Variants in ADAMTSL1 observed in about 807,000 individuals in gnomAD.
ADAMTSL1 encodes ADAMTS like 1.
A neutral mutation model predicts 201.8 loss-of-function variants in ADAMTSL1; 126 were observed. The ratio of observed to expected loss-of-function variants is 0.62; its 90% confidence interval spans 0.54 to 0.72. ADAMTSL1 has a LOEUF of 0.72. Among genes scored for constraint, ADAMTSL1 ranks in the 30% least tolerant of loss-of-function variants. The pLI is 0.00. For missense variants in ADAMTSL1, 2,679 were observed against 2,277.8 expected, an observed-to-expected ratio of 1.18 and a Z score of -3.59; for synonymous variants, 1,121 against 903.4, an observed-to-expected ratio of 1.24 and a Z score of -4.32.
chr9:18,439,291 C>A (rs1344999061), intron 2 of ADAMTSL1, among the ~76,000 whole-genome samples: 1 of 152,206 alleles, frequency 6.6e-6, no homozygotes, highest in Non-Finnish European at 1.5e-5. Context: ...TGAATTTGCT[C>A]ATTGTTATTC....
intron 2 of ADAMTSL1, among the ~76,000 whole-genome samples, chr9:18,426,220 C>G (rs75182607): frequency 0.019 from 2,943 of 152,096 alleles, 38 homozygotes; most frequent in Non-Finnish European, 0.031. Context: ...TGCCTAGGGC[C>G]CAGTCCACCG....
At chr9:18,343,776 G>T (rs1315603601) in intron 2 of ADAMTSL1, among the ~76,000 whole-genome samples, 2 of 152,092 alleles carry the variant, frequency 1.3e-5, no homozygotes, top group Admixed American at 6.6e-5. Flanking sequence ...GCATTGATCT[G>T]GCTTAGGGTC....
intron 1 of ADAMTSL1, among the ~76,000 whole-genome samples, chr9:18,140,788 G>A (rs917988583): frequency 1.3e-5 from 2 of 152,164 alleles, no homozygotes; most frequent in African/African-American, 4.8e-5. Flanking sequence ...GGCCTGGTAT[G>A]TTAACTGTTT....
intron 1 of ADAMTSL1, among the ~76,000 whole-genome samples, chr9:17,935,822 C>T (rs1331188116): frequency 6.6e-6 from 1 of 152,170 alleles, no homozygotes; most frequent in Non-Finnish European, 1.5e-5. Flanking sequence ...CTTTTATCTA[C>T]CTTCAGTCTC....
At chr9:18,148,119 G>T (rs1165929657) in intron 1 of ADAMTSL1, among the ~76,000 whole-genome samples, 1 of 151,904 alleles carries the variant, frequency 6.6e-6, no homozygotes, top group African/African-American at 2.4e-5. Context: ...TAAAACCCTA[G>T]AAACATAGTA....
intron 3 of ADAMTSL1, among the ~76,000 whole-genome samples, chr9:18,559,085 G>C (rs894723766): frequency 3.3e-5 from 5 of 152,098 alleles, no homozygotes; most frequent in Non-Finnish European, 5.9e-5. Flanking sequence ...CTTTGCCCAT[G>C]TTTATGTCCT....
chr9:18,740,195 C>G (rs1477866019), intron 15 of ADAMTSL1, among the ~76,000 whole-genome samples: 1 of 152,092 alleles, frequency 6.6e-6, no homozygotes, highest in African/African-American at 2.4e-5. Context: ...AATCTCGGGA[C>G]AGACAGGAAA....
chr9:18,282,453 T>A (rs138720722), intron 2 of ADAMTSL1, among the ~76,000 whole-genome samples: 3 of 152,352 alleles, frequency 2.0e-5, no homozygotes, highest in African/African-American at 7.2e-5. Context: ...TGTAACAATA[T>A]GTGGGAATTT....
Position 17,932,524 on chromosome 9 carries a change from C to T in ADAMTSL1, c.87+25602C>T, listed in dbSNP as rs138853354. On this transcript the variant is annotated intron_variant, in intron 1 of 29. Coordinates refer to the ADAMTSL1 transcript ENST00000680146. Reference sequence around the variant, plus strand: ...TGGTAAACTCATTTTTCGTTGAAGGCGCAGTAGAGCTATCTCTCTGAATTT... The same window carrying T: ...TGGTAAACTCATTTTTCGTTGAAGGTGCAGTAGAGCTATCTCTCTGAATTT... 8.3e-3 allele frequency among the ~76,000 whole-genome samples: 1,256 copies of T among 152,122 alleles called. 14 individuals carry two copies. The highest frequency in any genetic ancestry group is 0.013 in the Non-Finnish European group (875 of 67,986).
intron 17 of ADAMTSL1, among the ~76,000 whole-genome samples, chr9:18,771,881 C>A (rs1053776464): frequency 6.6e-6 from 1 of 152,108 alleles, no homozygotes; most frequent in Admixed American, 6.5e-5. Context: ...ATCTTATCAA[C>A]CCACATAGAA....
chr9:17,934,966 T>C (rs1347775688), intron 1 of ADAMTSL1, among the ~76,000 whole-genome samples: 1 of 151,984 alleles, frequency 6.6e-6, no homozygotes, highest in Non-Finnish European at 1.5e-5. Flanking sequence ...TTATTCCATC[T>C]TAAAAGCCTT....
At chr9:18,723,436 C>A (rs1817669629) in intron 15 of ADAMTSL1, 1 of 299,214 alleles carries the variant, frequency 3.3e-6, no homozygotes, top group Non-Finnish European at 6.4e-6. Flanking sequence ...GGTCCCTAAA[C>A]CCTTCTTTGA....
intron 4 of ADAMTSL1, among the ~76,000 whole-genome samples, chr9:18,613,007 C>G (rs368610914): frequency 5.1e-4 from 77 of 151,896 alleles, no homozygotes; most frequent in Middle Eastern, 3.4e-3. Flanking sequence ...AGAAATTAAA[C>G]AAATTTATAA....
chr9:18,748,285 A>G (rs747064646), intron 15 of ADAMTSL1, among the ~76,000 whole-genome samples: 3 of 152,242 alleles, frequency 2.0e-5, no homozygotes, highest in Non-Finnish European at 2.9e-5. Flanking sequence ...AGTCATGTTT[A>G]CCACCCTCCT....
Position 18,344,656 on chromosome 9 carries a change from C to A in ADAMTSL1, c.208-160173C>A, listed in dbSNP as rs572816524. Reference sequence around the variant, plus strand: ...ACAATGAATTGGCGGTTGTTGAATCCTAGTGTTCCCTTTGGCCATTAACAT... The same window carrying A: ...ACAATGAATTGGCGGTTGTTGAATCATAGTGTTCCCTTTGGCCATTAACAT... On this transcript the variant is annotated intron_variant, in intron 2 of 29. Coordinates refer to the ADAMTSL1 transcript ENST00000680146. 7.9e-5 allele frequency among the ~76,000 whole-genome samples: 12 copies of A among 152,188 alleles called. No individual in the cohort carries two copies. The East Asian group carries it at 2.1e-3, about 27-fold the overall frequency.
chr9:18,202,624 C>T (rs761087373), intron 2 of ADAMTSL1, among the ~76,000 whole-genome samples: 35 of 152,316 alleles, frequency 2.3e-4, no homozygotes, highest in Non-Finnish European at 4.7e-4. Flanking sequence ...TCTCTGACTT[C>T]CGGCAAAATG....
intron 1 of ADAMTSL1, among the ~76,000 whole-genome samples, chr9:17,976,067 T>C (rs1203200072): frequency 6.6e-6 from 1 of 152,108 alleles, no homozygotes; most frequent in Non-Finnish European, 1.5e-5. Flanking sequence ...CTGTCCATTC[T>C]GATCCTTTGG....
At position 18,043,360 on chromosome 9, in the gene ADAMTSL1, A is replaced by T. The variant is rs199615183; in HGVS notation, c.88-120502A>T. On this transcript the variant is annotated intron_variant, in intron 1 of 29. Transcript: ENST00000680146. The stretch of plus-strand genomic sequence containing the variant: ...AGAAAGTAGTGGATTTCCTTAAAAA[A>T]TTTTTTGGGGGGATGTGTATACATT... Among the ~76,000 whole-genome samples the T allele has an allele frequency of 5.3e-5, 8 of 152,242 alleles. No homozygotes were observed. In the East Asian group the frequency reaches 7.7e-4, roughly 15 times the overall value.
At chr9:18,588,309 C>T (rs1037532067) in intron 4 of ADAMTSL1, among the ~76,000 whole-genome samples, 1 of 151,858 alleles carries the variant, frequency 6.6e-6, no homozygotes, top group Non-Finnish European at 1.5e-5. Flanking sequence ...CATTTTTTAT[C>T]AGAAATTTTT....
Sources: gnomAD v4.1 joint callset for allele counts (sites outside exome capture counted in the v4.1 genomes callset) on GRCh38, gnomAD v4.1.1 for gene constraint, MANE v1.5 for transcripts, NCBI Gene and HGNC (gene_info 2026-07-23, HGNC 2026-07-21) for gene names.